DPYD: variants seen among roughly 807,000 people sequenced by gnomAD.
DPYD encodes the protein dihydropyrimidine dehydrogenase [NADP(+)].
In DPYD, 109 loss-of-function variants were observed where a neutral mutation model predicts 116.2. The observed-to-expected ratio is 0.94, with a 90% CI of 0.80 to 1.10. DPYD has a LOEUF of 1.10. DPYD is among the 50% of genes least tolerant of loss of function. DPYD has a pLI of 0.00. For synonymous variants in DPYD, 440 were observed against 432.0 expected (o/e 1.02, Z -0.23); for missense variants, 1,302 against 1,254.5 (o/e 1.04, Z -0.57).
intron 20 of DPYD, among the ~76,000 whole-genome samples, chr1:97,186,130 C>T (rs577117007): frequency 6.6e-6 from 1 of 152,204 alleles, no homozygotes; most frequent in Admixed American, 6.5e-5. Flanking sequence ...CTGCTTTATT[C>T]TCTGTGTTGA....
At chr1:97,101,360 A>G (rs1650666731) in intron 20 of DPYD, among the ~76,000 whole-genome samples, 1 of 151,872 alleles carries the variant, frequency 6.6e-6, no homozygotes, top group South Asian at 2.1e-4. Flanking sequence ...ACATTTTAAA[A>G]GTAAAGTTTT....
At chr1:97,474,599 T>C (rs1677845379) in intron 13 of DPYD, among the ~76,000 whole-genome samples, 1 of 151,760 alleles carries the variant, frequency 6.6e-6, no homozygotes. Flanking sequence ...CAACTTAAGG[T>C]TCAGTTTTTC....
At chr1:97,515,498 T>G (rs1307199153) in intron 13 of DPYD, among the ~76,000 whole-genome samples, 1 of 151,952 alleles carries the variant, frequency 6.6e-6, no homozygotes, top group Admixed American at 6.6e-5. Context: ...TCATAATATT[T>G]ATATCTTTGT....
chr1:97,341,923 C>T (rs1174561113), intron 16 of DPYD, among the ~76,000 whole-genome samples: 1 of 152,150 alleles, frequency 6.6e-6, no homozygotes, highest in African/African-American at 2.4e-5. Context: ...GCAACAAATG[C>T]TACAAATAGG....
chr1:97,846,336 A>C (rs552159584), intron 2 of DPYD, among the ~76,000 whole-genome samples: 4 of 152,184 alleles, frequency 2.6e-5, no homozygotes, highest in African/African-American at 7.2e-5. Context: ...CTGGGAATCT[A>C]ATAAATAAAC....
At chr1:97,637,186 TGAA>T (rs1041197077) in intron 8 of DPYD, among the ~76,000 whole-genome samples, 2 of 152,040 alleles carry the variant, frequency 1.3e-5, no homozygotes, top group African/African-American at 4.8e-5. Flanking sequence ...TTTCATGGCA[TGAA>T]GAAGAAGGAA....
intron 3 of DPYD, among the ~76,000 whole-genome samples, chr1:97,742,064 G>A (rs1265369318): frequency 6.6e-6 from 1 of 152,084 alleles, no homozygotes; most frequent in Admixed American, 6.6e-5. Flanking sequence ...CATAAAGTGA[G>A]AGTGGGAGTA....
At chr1:97,772,930 A>ATG (rs1382507050) in intron 3 of DPYD, among the ~76,000 whole-genome samples, 1 of 152,234 alleles carries the variant, frequency 6.6e-6, no homozygotes, top group Non-Finnish European at 1.5e-5. Flanking sequence ...CTCTATACAG[A>ATG]TGATTTTCCA....
At chr1:97,823,320 A>G (rs1360119605) in intron 3 of DPYD, among the ~76,000 whole-genome samples, 1 of 152,100 alleles carries the variant, frequency 6.6e-6, no homozygotes, top group Non-Finnish European at 1.5e-5. Flanking sequence ...ATACCCGGCT[A>G]ATTTTTTGCA....
chr1:97,681,017 C>CT (rs1660401803), intron 7 of DPYD, among the ~76,000 whole-genome samples: 2 of 152,088 alleles, frequency 1.3e-5, no homozygotes, highest in Admixed American at 1.3e-4. Flanking sequence ...GCAATGTATA[C>CT]CCATGAACTG....
chr1:97,311,887 A>C lies in DPYD; in HGVS notation c.2059-5590T>G, dbSNP rs888407815. Reference sequence around the variant, plus strand: ...AATAGAAAGTAAATATGGTCTTTAGAGACATATATATGGGTGATAAAACTA... The same window carrying C: ...AATAGAAAGTAAATATGGTCTTTAGCGACATATATATGGGTGATAAAACTA... On this transcript the variant is annotated intron_variant, in intron 16 of 22. Coordinates refer to ENST00000370192, the MANE Select transcript of DPYD (RefSeq NM_000110.4). 1.2e-4 allele frequency among the ~76,000 whole-genome samples: 18 copies of C among 151,852 alleles called. 1 individual carries two copies. The highest frequency in any genetic ancestry group is 4.3e-4 in the African/African-American group (18 of 41,418).
At chr1:97,575,502 T>A (rs919721839) in intron 10 of DPYD, among the ~76,000 whole-genome samples, 1 of 152,200 alleles carries the variant, frequency 6.6e-6, no homozygotes, top group African/African-American at 2.4e-5. Context: ...TTTGAAGCTA[T>A]TCAATCTATG....
At chr1:97,210,171 T>C (rs955480028) in intron 19 of DPYD, among the ~76,000 whole-genome samples, 7 of 152,142 alleles carry the variant, frequency 4.6e-5, no homozygotes, top group Admixed American at 3.3e-4. Flanking sequence ...GAAGGAATGT[T>C]TCCTGAATAT....
At chr1:97,270,202 A>T (rs1201581066) in intron 18 of DPYD, among the ~76,000 whole-genome samples, 1 of 152,214 alleles carries the variant, frequency 6.6e-6, no homozygotes, top group Non-Finnish European at 1.5e-5. Flanking sequence ...ACAATTTCCC[A>T]TTAGGAGTCT....
chr1:97,160,930 C>G (rs2101743589), intron 20 of DPYD, among the ~76,000 whole-genome samples: 1 of 152,272 alleles, frequency 6.6e-6, no homozygotes, highest in South Asian at 2.1e-4. Flanking sequence ...CCTTAGTTAA[C>G]TTGGCAAAAT....
chr1:97,316,226 A>T (rs1049069857), intron 16 of DPYD, among the ~76,000 whole-genome samples: 6 of 151,910 alleles, frequency 3.9e-5, no homozygotes, highest in African/African-American at 1.2e-4. Context: ...ACATTGGCTC[A>T]TGCCTGTAAT....
intron 18 of DPYD, among the ~76,000 whole-genome samples, chr1:97,304,502 T>C (rs1279199884): frequency 6.6e-6 from 1 of 151,964 alleles, no homozygotes; most frequent in African/African-American, 2.4e-5. Context: ...GTCCAGCCTC[T>C]TCCAAAAGCA....
At chr1:97,125,769 T>G (rs1438362657) in intron 20 of DPYD, among the ~76,000 whole-genome samples, 1 of 152,082 alleles carries the variant, frequency 6.6e-6, no homozygotes, top group Non-Finnish European at 1.5e-5. Context: ...AGTGAAAAGA[T>G]GGCTGTTTAG....
intron 15 of DPYD, among the ~76,000 whole-genome samples, chr1:97,374,438 A>G (rs1364021321): frequency 6.6e-6 from 1 of 152,090 alleles, no homozygotes; most frequent in Non-Finnish European, 1.5e-5. Flanking sequence ...AAGTTATTAT[A>G]GGCCGGGCAC....
Sources: gnomAD v4.1 joint callset for allele counts (sites outside exome capture counted in the v4.1 genomes callset) on GRCh38, gnomAD v4.1.1 for gene constraint, MANE v1.5 for transcripts, NCBI Gene and HGNC (gene_info 2026-07-23, HGNC 2026-07-21) for gene names.